HAGH: variants seen among roughly 807,000 people sequenced by gnomAD.
HAGH encodes hydroxyacylglutathione hydrolase.
Under a neutral mutation model 35.1 loss-of-function variants are expected in HAGH, and 29 were observed. The ratio of observed to expected loss-of-function variants is 0.83; its 90% CI spans 0.62 to 1.13. HAGH has a LOEUF of 1.13. HAGH is among the 50% of genes most tolerant of loss of function. The pLI is 0.00. For synonymous variants in HAGH, 225 were observed against 176.1 expected (o/e 1.28, Z -2.20); for missense variants, 478 against 419.6 (o/e 1.14, Z -1.22).
At chr16:1,826,952 G>T, upstream of HAGH, 1 of 623,884 alleles carries the variant, frequency 1.6e-6, no homozygotes, top group East Asian at 3.1e-5. Flanking sequence ...TGTTTTGTCC[G>T]CGAGCCCCGA....
At chr16:1,813,644 C>A (rs1205332908) in intron 7 of HAGH, among the ~76,000 whole-genome samples, 1 of 152,224 alleles carries the variant, frequency 6.6e-6, no homozygotes, top group Non-Finnish European at 1.5e-5. Flanking sequence ...ATTCTCGCCA[C>A]ATCAGTTATC....
intron 7 of HAGH, among the ~76,000 whole-genome samples, chr16:1,813,618 CAATGTT>C (rs1293590241): frequency 8.5e-5 from 13 of 152,204 alleles, no homozygotes; most frequent in Non-Finnish European, 1.8e-4. Flanking sequence ...CAGAAACACT[CAATGTT>C]AAGATCGCAA....
chr16:1,817,908 G>A (rs1044562035), intron 5 of HAGH, among the ~76,000 whole-genome samples: 8 of 152,188 alleles, frequency 5.3e-5, no homozygotes, highest in African/African-American at 1.9e-4. Flanking sequence ...CTGAGAGGAG[G>A]GTGCCCAGCA....
chr16:1,812,711 T>C (rs1038751838), intron 7 of HAGH, among the ~76,000 whole-genome samples: 2 of 152,166 alleles, frequency 1.3e-5, no homozygotes, highest in Non-Finnish European at 2.9e-5. Flanking sequence ...CAAAAAAGAA[T>C]GAAGCATAAA....
chr16:1,810,912 T>C (rs1256610371), intron 7 of HAGH: 1 of 152,200 alleles, frequency 6.6e-6, no homozygotes, highest in African/African-American at 2.4e-5. Flanking sequence ...CTGAGAATGT[T>C]TTAAAATATT....
chr16:1,811,455 G>A (rs1390012772), intron 7 of HAGH, among the ~76,000 whole-genome samples: 3 of 146,076 alleles, frequency 2.1e-5, no homozygotes, highest in African/African-American at 5.1e-5. Flanking sequence ...GCTCACACCT[G>A]TAATCCCAGC....
At chr16:1,819,834 G>T (rs1371311322) in intron 4 of HAGH, 63 bp downstream of exon 4, 2 of 1,010,996 alleles carry the variant, frequency 2.0e-6, no homozygotes, top group South Asian at 1.3e-5. Context: ...TGCGGGGAGG[G>T]ACCCCCCTCC....
intron 7 of HAGH, among the ~76,000 whole-genome samples, chr16:1,813,908 C>T (rs377637082): frequency 2.0e-5 from 3 of 152,274 alleles, no homozygotes; most frequent in African/African-American, 4.8e-5. Flanking sequence ...ATAGAGGGCC[C>T]ATTCTTTTCA....
At chr16:1,815,638 G>C (rs535242292) in intron 7 of HAGH, among the ~76,000 whole-genome samples, 34 of 152,304 alleles carry the variant, frequency 2.2e-4, no homozygotes, top group South Asian at 6.2e-4. Flanking sequence ...CTTTGGGGTA[G>C]TGGTAAGTTC....
chr16:1,812,601 G>A (rs1897709051), intron 7 of HAGH, among the ~76,000 whole-genome samples: 1 of 151,760 alleles, frequency 6.6e-6, no homozygotes, highest in African/African-American at 2.4e-5. Flanking sequence ...TTGGGGGGTG[G>A]GAGTTCATAC....
chr16:1,824,944 AG>A (rs2142053699), intron 1 of HAGH, among the ~76,000 whole-genome samples: 2 of 151,106 alleles, frequency 1.3e-5, no homozygotes, highest in South Asian at 4.2e-4. Flanking sequence ...GGTGGGGTGC[AG>A]AAGGGTTGTG....
At chr16:1,813,995 C>A (rs955860828) in intron 7 of HAGH, among the ~76,000 whole-genome samples, 1 of 152,158 alleles carries the variant, frequency 6.6e-6, no homozygotes, top group African/African-American at 2.4e-5. Context: ...GATCACACTG[C>A]GAGAGGGTGA....
chr16:1,809,178 TAAAA>T lies in HAGH; in HGVS notation c.*101_*104del. Reference sequence around the variant, plus strand: ...GTCCGATAACACAAGCCAAGGGCTGTAAAATTAAGGTTAAATCAAGACTGAATTT... The same window carrying T: ...GTCCGATAACACAAGCCAAGGGCTGTTTAAGGTTAAATCAAGACTGAATTT... On this transcript the variant is annotated 3_prime_UTR_variant, in exon 9 of 9. Transcript: ENST00000397356. 1.3e-6 allele frequency: 1 copy of T among 755,972 alleles called. No homozygotes were observed. Among genetic ancestry groups the T allele is most frequent in the Non-Finnish European group, 2.3e-6 (1 of 443,508 alleles). The allele number at this position is 755,972 out of a possible 1,614,324, so 46.8% of individuals were successfully genotyped here. A position where few individuals can be genotyped will look rare whatever the true frequency, so the allele number is the denominator to read the frequency against.
At chr16:1,812,527 A>AAG (rs1567252715) in intron 7 of HAGH, 96 of 143,492 alleles carry the variant, frequency 6.7e-4, no homozygotes, top group African/African-American at 2.3e-3. Flanking sequence ...AAACAAAAAA[A>AAG]AAACACACAA....
intron 3 of HAGH, among the ~76,000 whole-genome samples, chr16:1,820,720 C>T (rs1438354673): frequency 6.6e-6 from 1 of 152,180 alleles, no homozygotes; most frequent in Non-Finnish European, 1.5e-5. Flanking sequence ...CCCATGAAGA[C>T]TCCAGCAACC....
chr16:1,817,798 C>T (rs957704571), intron 5 of HAGH, among the ~76,000 whole-genome samples: 4 of 152,226 alleles, frequency 2.6e-5, no homozygotes, highest in East Asian at 1.9e-4. Flanking sequence ...CCCATCACTG[C>T]CCAGGCCTCT....
At position 1,810,060 on chromosome 16, in the gene HAGH, G is replaced by T. The variant is rs999743284; in HGVS notation, c.748-227C>A. The T allele has an allele frequency of 1.1e-5, 6 of 556,042 alleles. No homozygotes were observed. The African/African-American group carries it at 1.1e-4, about 11-fold the overall frequency. The allele number at this position is 556,042 out of a possible 1,614,324, so 34.4% of individuals were successfully genotyped here. On this transcript the variant is annotated intron_variant, in intron 7 of 8. Transcript: ENST00000397356. ...GGCACCTGTGGTCCCAGCTACTCAG[G>T]GGGCTGAGGTGGGAGGATCGCTTGA...
chr16:1,824,770 C>T (rs1227500473), intron 1 of HAGH, among the ~76,000 whole-genome samples: 1 of 152,160 alleles, frequency 6.6e-6, no homozygotes, highest in Non-Finnish European at 1.5e-5. Flanking sequence ...ATCCTATTAC[C>T]CGCCTGACAA....
Position 1,822,976 on chromosome 16 carries a change from C to T in HAGH, c.138G>A (p.Glu46=). 6.2e-7 allele frequency: 1 copy of T among 1,613,826 alleles called. No individual in the cohort carries two copies. The highest frequency in any genetic ancestry group is 8.5e-7 in the Non-Finnish European group (1 of 1,179,838). The stretch of plus-strand genomic sequence containing the variant: ...GCAGCACCTCTACCTTCATGGTGCC[C>T]TCGTCCACGGTCAGGTTCTTCCGCA... ...TDLRKNLTVD[E]GTMKVEVLPA... is the part of the protein sequence containing the mutation. Residue 46 remains glutamate (E), a synonymous_variant, in exon 2 of 9, where the codon GAG becomes GAA. Transcript: ENST00000397356.
Sources: allele counts gnomAD v4.1 joint callset (sites outside exome capture counted in the v4.1 genomes callset), GRCh38; gene constraint gnomAD v4.1.1; transcripts MANE v1.5; gene names NCBI Gene and HGNC (gene_info 2026-07-23, HGNC 2026-07-21).